SLC25A30: variants seen among roughly 807,000 people sequenced by gnomAD.
SLC25A30 encodes kidney mitochondrial carrier protein 1.
In SLC25A30, 29 loss-of-function variants were observed where a neutral mutation model predicts 42.7. The observed-to-expected ratio is 0.68, with a 90% confidence interval of 0.51 to 0.93. SLC25A30 has a LOEUF of 0.93. Ranked by LOEUF, SLC25A30 falls within the 40% of genes least tolerant of loss-of-function variation. SLC25A30 has a pLI of 0.00. For synonymous variants in SLC25A30, 124 were observed against 131.0 expected, an observed-to-expected ratio of 0.95 and a Z score of 0.37; for missense variants, 300 against 359.7, an observed-to-expected ratio of 0.83 and a Z score of 1.34.
chr13:45,394,285 T>C lies in SLC25A30; in HGVS notation c.*1689A>G. 1.1e-6 allele frequency: 1 copy of C among 941,036 alleles called. No individual in the cohort carries two copies. Among genetic ancestry groups the C allele is most frequent in the Non-Finnish European group, 1.3e-6 (1 of 792,098 alleles). The allele number at this position is 941,036 out of a possible 1,614,324, so 58.3% of individuals were successfully genotyped here. ...ACCTTCTGTTATCCTCTCTTTTTGA[T>C]GACTTTGTCTTAGCTCTCACTTTTG... On this transcript the variant is annotated 3_prime_UTR_variant, in exon 10 of 10. Coordinates refer to ENST00000519676, the MANE Select transcript of SLC25A30 (RefSeq NM_001010875.4).
upstream of SLC25A30, among the ~76,000 whole-genome samples, chr13:45,423,236 G>A (rs1883937043): frequency 6.6e-6 from 1 of 151,820 alleles, no homozygotes; most frequent in Admixed American, 6.6e-5. Context: ...CCTTCCCATT[G>A]ATATTACCAC....
In SLC25A30 at chr13:45,394,743, G is replaced by C. The variant is rs1881189897; in HGVS notation, c.*1231C>G. On this transcript the variant is annotated 3_prime_UTR_variant, in exon 10 of 10. Coordinates refer to ENST00000519676, the MANE Select transcript of SLC25A30 (RefSeq NM_001010875.4). ...GACTTATTGTGTCTACAGAAGGAAA[G>C]AAAAAGGGAAAATATTACATACCAC... 1 of 985,008 alleles carries C rather than the reference G, an allele frequency of 1.0e-6. No homozygotes were observed. Among genetic ancestry groups the C allele is most frequent in the Admixed American group, 6.2e-5 (1 of 16,252 alleles). 61.0% of individuals were successfully genotyped at this position (985,008 alleles called of 1,614,324 possible).
intron 1 of SLC25A30, among the ~76,000 whole-genome samples, chr13:45,414,621 CACACACACACACAT>C (rs1458964204): frequency 7.3e-6 from 1 of 136,234 alleles, no homozygotes; most frequent in Admixed American, 7.7e-5. Context: ...TTGTCTCAAA[CACACACACACACAT>C]ACACACACAC....
chr13:45,397,336 T>C lies in SLC25A30; in HGVS notation c.756A>G (p.Thr252=). 1 of 1,607,042 alleles carries C rather than the reference T, an allele frequency of 6.2e-7. No individual in the cohort carries two copies. The highest frequency in any genetic ancestry group is 2.2e-5 in the East Asian group (1 of 44,850). The change falls in exon 9 of 10, where the codon ACA becomes ACG. Residue 252 remains threonine, a splice_region_variant and synonymous_variant. Transcript: ENST00000519676. Reference sequence around the variant, plus strand: ...GAGCAAAAAACCCTTCATTCTTCCATGTCTGTTAAAAGAAGAAAAAAAAGT... The same window carrying C: ...GAGCAAAAAACCCTTCATTCTTCCACGTCTGTTAAAAGAAGAAAAAAAAGT... ...YTGTLDCLLQ[T]WKNEGFFALY...
chr13:45,399,918 C>G (rs1248989267), intron 7 of SLC25A30, among the ~76,000 whole-genome samples: 1 of 151,364 alleles, frequency 6.6e-6, no homozygotes, highest in African/African-American at 2.4e-5. Flanking sequence ...CTAGCTATAT[C>G]CCTGGCCTGG....
Position 45,393,976 on chromosome 13 carries a change from G to A in SLC25A30, c.*1998C>T. On this transcript the variant is annotated 3_prime_UTR_variant, in exon 10 of 10. Transcript: ENST00000519676. Reference sequence around the variant, plus strand: ...AAAAATTGTATGCATATTTGAAAAAGTAAAATTTTTCTACATTAAAAAAAG... The same window carrying A: ...AAAAATTGTATGCATATTTGAAAAAATAAAATTTTTCTACATTAAAAAAAG... The A allele has an allele frequency of 1.0e-6, 1 of 984,506 alleles. No homozygotes were observed. Among genetic ancestry groups the A allele is most frequent in the Non-Finnish European group, 1.2e-6 (1 of 829,216 alleles). The allele number at this position is 984,506 out of a possible 1,614,324, so 61.0% of individuals were successfully genotyped here.
At chr13:45,424,775 T>TATAAATATATAAAAAA in the SLC25A30 span, among the ~76,000 whole-genome samples, 2 of 59,938 alleles carry the variant, frequency 3.3e-5, no homozygotes, top group African/African-American at 1.2e-4. Flanking sequence ...TAAATATATA[T>TATAAATATATAAAAAA]ATATAAATAT....
At chr13:45,411,575 A>AGCAT in intron 1 of SLC25A30, 95 bp from the exon 2 acceptor site, 1 of 755,238 alleles carries the variant, frequency 1.3e-6, no homozygotes, top group Non-Finnish European at 2.2e-6. Context: ...GGAGAGTGCT[A>AGCAT]TCACCAAAAC....
At chr13:45,402,840 G>A in intron 5 of SLC25A30, 1 of 985,316 alleles carries the variant, frequency 1.0e-6, no homozygotes, top group Non-Finnish European at 1.2e-6. Context: ...TGAACCAAAA[G>A]GTATGCAGGC....
At chr13:45,408,481 A>T (rs1882717911) in intron 3 of SLC25A30, among the ~76,000 whole-genome samples, 1 of 152,180 alleles carries the variant, frequency 6.6e-6, no homozygotes, top group African/African-American at 2.4e-5. Flanking sequence ...TCCTGCAGGT[A>T]TTCTGATATA....
Position 45,394,461 on chromosome 13 carries a change from C to CA in SLC25A30, c.*1512_*1513insT. The CA allele has an allele frequency of 1.0e-6, 1 of 985,422 alleles. No homozygotes were observed. Among genetic ancestry groups the CA allele is most frequent in the Non-Finnish European group, 1.2e-6 (1 of 829,954 alleles). The allele number at this position is 985,422 out of a possible 1,614,324, so 61.0% of individuals were successfully genotyped here. The stretch of plus-strand genomic sequence containing the variant: ...CCAGACTGGGAATTTGGCCGCACTA[C>CA]TGTGGAAGGAGAATGCCCTGGAGCC... On this transcript the variant is annotated 3_prime_UTR_variant, in exon 10 of 10. Coordinates refer to ENST00000519676, the MANE Select transcript of SLC25A30 (RefSeq NM_001010875.4).
intron 4 of SLC25A30, among the ~76,000 whole-genome samples, chr13:45,404,964 C>T (rs1279050618): frequency 6.6e-6 from 1 of 152,056 alleles, no homozygotes; most frequent in Non-Finnish European, 1.5e-5. Flanking sequence ...ACTCTGTTAC[C>T]TAGGCTGGAG....
chr13:45,411,409 C>T lies in SLC25A30; in HGVS notation c.17G>A (p.Trp6Ter), dbSNP rs766773775. 3.7e-6 allele frequency: 6 copies of T among 1,614,140 alleles called. No homozygotes were observed. The highest frequency in any genetic ancestry group is 1.1e-5 in the South Asian group (1 of 91,088). ...CAGCCCCCCGTACACAAACGGCTTC[C>T]AGTTGAGGGCTGACATTCTCACACT... MSALN[W>*]KPFVYGGLAS... Residue 6 changes from tryptophan to a stop codon, truncating the protein, a stop_gained, in exon 2 of 10, where the codon TGG (tryptophan) becomes TAG (stop). Coordinates refer to ENST00000519676, the MANE Select transcript of SLC25A30 (RefSeq NM_001010875.4). LOFTEE classifies it high-confidence loss of function.
chr13:45,393,828 A>C lies in SLC25A30; in HGVS notation c.*2146T>G. 2 of 985,422 alleles carry C rather than the reference A, an allele frequency of 2.0e-6. No individual in the cohort carries two copies. Among genetic ancestry groups the C allele is most frequent in the Non-Finnish European group, 2.4e-6 (2 of 829,894 alleles). 61.0% of individuals were successfully genotyped at this position (985,422 alleles called of 1,614,324 possible). A position where few individuals can be genotyped will look rare whatever the true frequency, so the allele number is the denominator to read the frequency against. ...TCTTAAATCGTGCTTAAGTTTTACC[A>C]TGAGGTTTGAATTTCTTTCCACCTT... On this transcript the variant is annotated 3_prime_UTR_variant, in exon 10 of 10. Transcript: ENST00000519676.
At chr13:45,397,138 C>G (rs1405025068) in intron 9 of SLC25A30, 120 bp downstream of exon 9, 29 of 721,170 alleles carry the variant, frequency 4.0e-5, no homozygotes, top group Admixed American at 8.5e-5. Context: ...TTCTTAGCAT[C>G]AGAGGAACTC....
chr13:45,407,911 C>T (rs1882666959), intron 3 of SLC25A30, among the ~76,000 whole-genome samples: 2 of 152,192 alleles, frequency 1.3e-5, no homozygotes, highest in South Asian at 4.1e-4. Context: ...TCTAGCCTGT[C>T]TTCTTTTTCC....
At chr13:45,415,344 T>A (rs1193399041) in intron 1 of SLC25A30, among the ~76,000 whole-genome samples, 1 of 152,152 alleles carries the variant, frequency 6.6e-6, no homozygotes, top group African/African-American at 2.4e-5. Context: ...GCAGACACTA[T>A]CTTCCAAGGG....
chr13:45,422,273 G>A (rs531567095), upstream of SLC25A30, among the ~76,000 whole-genome samples: 4 of 152,252 alleles, frequency 2.6e-5, no homozygotes, highest in African/African-American at 9.6e-5. Context: ...TTTCTGGATG[G>A]TTGGTGCTTG....
At chr13:45,425,383 T>C in the SLC25A30 span, among the ~76,000 whole-genome samples, 11 of 111,546 alleles carry the variant, frequency 9.9e-5, no homozygotes, top group South Asian at 2.7e-3. Flanking sequence ...TATATAAGTA[T>C]ATATGAAAAT....
Sources: gnomAD v4.1 joint callset for allele counts (sites outside exome capture counted in the v4.1 genomes callset) on GRCh38, gnomAD v4.1.1 for gene constraint, MANE v1.5 for transcripts, NCBI Gene and HGNC (gene_info 2026-07-23, HGNC 2026-07-21) for gene names.